PDZD2: variants seen among roughly 807,000 people sequenced by gnomAD.
PDZD2 encodes the protein PDZ domain-containing protein 2.
A neutral mutation model predicts 220.7 loss-of-function variants in PDZD2; 90 were observed. The observed-to-expected ratio is 0.41, with a 90% CI of 0.34 to 0.49. PDZD2 has a LOEUF of 0.49. Ranked by LOEUF, PDZD2 falls within the 20% of genes least tolerant of loss-of-function variation. The pLI is 0.28. For missense variants in PDZD2, 3,174 were observed against 3,608.5 expected, an observed-to-expected ratio of 0.88 and a Z score of 3.08; for synonymous variants, 1,375 against 1,450.5, an observed-to-expected ratio of 0.95 and a Z score of 1.18.
intron 1 of PDZD2, among the ~76,000 whole-genome samples, chr5:31,665,558 G>C (rs773815251): frequency 6.6e-6 from 1 of 152,064 alleles, no homozygotes; most frequent in African/African-American, 2.4e-5. Context: ...ATTGGATCAT[G>C]GGGGCGGTTT....
chr5:32,040,034 AAG>A (rs1755925937), intron 7 of PDZD2, among the ~76,000 whole-genome samples: 1 of 136,112 alleles, frequency 7.3e-6, no homozygotes, highest in African/African-American at 2.8e-5. Context: ...GTCTAGGAGG[AAG>A]TGAGGAGTGC....
chr5:31,758,430 T>A (rs1179427811), intron 1 of PDZD2, among the ~76,000 whole-genome samples: 1 of 152,068 alleles, frequency 6.6e-6, no homozygotes, highest in Non-Finnish European at 1.5e-5. Context: ...GGCCTGGAAA[T>A]GGACCACAAA....
At chr5:31,988,547 G>A (rs1339156470) in intron 3 of PDZD2, among the ~76,000 whole-genome samples, 1 of 151,716 alleles carries the variant, frequency 6.6e-6, no homozygotes, top group Non-Finnish European at 1.5e-5. Context: ...CTAGGGATTT[G>A]TATGAAGGCT....
At chr5:31,990,605 C>T (rs769949816) in intron 3 of PDZD2, among the ~76,000 whole-genome samples, 23 of 152,188 alleles carry the variant, frequency 1.5e-4, no homozygotes, top group Non-Finnish European at 2.9e-4. Flanking sequence ...ACCTCAGTCG[C>T]AAGGACCATC....
At chr5:31,986,097 AATTGAAC>A (rs1561269073) in intron 3 of PDZD2, among the ~76,000 whole-genome samples, 1 of 151,006 alleles carries the variant, frequency 6.6e-6, no homozygotes, top group Admixed American at 6.6e-5. Context: ...AAAAAAAAAA[AATTGAAC>A]TTCTGGAGTC....
At chr5:32,063,921 A>T (rs754185217) in intron 14 of PDZD2, among the ~76,000 whole-genome samples, 5 of 152,200 alleles carry the variant, frequency 3.3e-5, no homozygotes, top group Non-Finnish European at 5.9e-5. Context: ...ACAAGACCCA[A>T]TTTAAAGAGT....
At chr5:32,036,332 A>G (rs910762180) in intron 6 of PDZD2, among the ~76,000 whole-genome samples, 4 of 152,218 alleles carry the variant, frequency 2.6e-5, no homozygotes, top group Admixed American at 6.5e-5. Context: ...CTATTTTAAT[A>G]TAAGACTGTT....
At position 32,000,587 on chromosome 5, in the gene PDZD2, C is replaced by T. The variant is rs368826275; in HGVS notation, c.1254+316C>T. 9.2e-5 allele frequency among the ~76,000 whole-genome samples: 14 copies of T among 152,158 alleles called. No individual in the cohort carries two copies. The highest frequency in any genetic ancestry group is 5.2e-4 in the Admixed American group (8 of 15,282). Reference sequence around the variant, plus strand: ...GTGCAATGGCGCAATCTCGGCTCACCGCAACCTCCACCTTCCGGATTCAAG... The same window carrying T: ...GTGCAATGGCGCAATCTCGGCTCACTGCAACCTCCACCTTCCGGATTCAAG... On this transcript the variant is annotated intron_variant, in intron 5 of 24. Coordinates refer to ENST00000438447, the MANE Select transcript of PDZD2 (RefSeq NM_178140.4). This position sits in a 1 kb window ranked among gnomAD's most constrained non-coding sequence, Gnocchi z 4.5.
chr5:31,667,149 T>C (rs1332984763), intron 1 of PDZD2, among the ~76,000 whole-genome samples: 2 of 141,070 alleles, frequency 1.4e-5, no homozygotes, highest in African/African-American at 2.6e-5. Context: ...GGCAGGAGAA[T>C]GGCTTGAACC....
chr5:31,687,912 C>T (rs141747757), intron 1 of PDZD2, among the ~76,000 whole-genome samples: 4 of 152,278 alleles, frequency 2.6e-5, no homozygotes, highest in Admixed American at 6.5e-5. Context: ...AGTGCAGTCA[C>T]ATGGTGGGTT....
Position 32,089,052 on chromosome 5 carries a change from G to T in PDZD2, c.5604G>T (p.Pro1868=), listed in dbSNP as rs137991377. The T allele has an allele frequency of 1.2e-6, 2 of 1,613,766 alleles. No homozygotes were observed. Among genetic ancestry groups the T allele is most frequent in the Admixed American group, 1.7e-5 (1 of 59,988 alleles). ...LENKDLSKKS[P]AEMLLTNGQK... The stretch of plus-strand genomic sequence containing the variant: ...ATAAGGACCTGTCTAAGAAGAGTCC[G>T]GCAGAAATGCTTCTGACTAATGGTC... Residue 1868 remains proline, a synonymous_variant, in exon 20 of 25, where the codon CCG becomes CCT. Transcript: ENST00000438447.
intron 23 of PDZD2, chr5:32,100,297 T>A (rs115070741): frequency 5.9e-6 from 1 of 169,198 alleles, no homozygotes; most frequent in South Asian, 1.5e-4. Context: ...GGCAGTTTAA[T>A]CCATCCGTGG....
At chr5:31,849,024 G>A (rs1439854446) in intron 2 of PDZD2, among the ~76,000 whole-genome samples, 4 of 152,278 alleles carry the variant, frequency 2.6e-5, no homozygotes, top group Non-Finnish European at 5.9e-5. Flanking sequence ...ACTCCAGCCT[G>A]GGCGACAGAG....
chr5:31,927,819 G>A (rs1287299946), intron 2 of PDZD2, among the ~76,000 whole-genome samples: 1 of 152,148 alleles, frequency 6.6e-6, no homozygotes, highest in African/African-American at 2.4e-5. Context: ...AAACTAGCCA[G>A]AGGTGACCCA....
At chr5:31,781,492 T>C (rs1322505690) in intron 1 of PDZD2, among the ~76,000 whole-genome samples, 1 of 152,182 alleles carries the variant, frequency 6.6e-6, no homozygotes, top group Admixed American at 6.5e-5. Flanking sequence ...GGGTATACAG[T>C]GCACAGTGTT....
At chr5:31,848,135 G>A (rs373972420) in intron 2 of PDZD2, 4 of 300,860 alleles carry the variant, frequency 1.3e-5, no homozygotes, top group South Asian at 4.3e-5. Flanking sequence ...CAGAGCTCAG[G>A]AGCGGGCTAC....
At chr5:32,012,792 C>A (rs910175662) in intron 6 of PDZD2, among the ~76,000 whole-genome samples, 9 of 151,600 alleles carry the variant, frequency 5.9e-5, no homozygotes, top group African/African-American at 2.2e-4. Context: ...TAATAAATAA[C>A]CTATTACATA....
At chr5:31,852,408 G>A (rs928266022) in intron 2 of PDZD2, among the ~76,000 whole-genome samples, 2 of 151,680 alleles carry the variant, frequency 1.3e-5, no homozygotes, top group East Asian at 1.9e-4. Flanking sequence ...AGCCTCCCAA[G>A]TAGAGTAGCT....
intron 2 of PDZD2, among the ~76,000 whole-genome samples, chr5:31,824,103 A>G (rs1756069045): frequency 6.6e-6 from 1 of 152,186 alleles, no homozygotes; most frequent in Admixed American, 6.5e-5. Context: ...ATGAAGGTCA[A>G]AGTGATCTTT....
Sources: gnomAD v4.1 joint callset for allele counts (sites outside exome capture counted in the v4.1 genomes callset) on GRCh38, gnomAD v4.1.1 for gene constraint, Gnocchi (gnomAD v3.1) non-coding constraint, MANE v1.5 for transcripts, NCBI Gene and HGNC (gene_info 2026-07-23, HGNC 2026-07-21) for gene names.